Variants in NALCN observed in about 807,000 individuals in gnomAD.
NALCN encodes the protein sodium leak channel, non-selective, also known as sodium leak channel NALCN.
Under a neutral mutation model 225.3 loss-of-function variants are expected in NALCN, and 111 were observed. The ratio of observed to expected loss-of-function variants is 0.49; its 90% CI spans 0.42 to 0.58. The LOEUF (loss-of-function observed/expected upper bound fraction) is 0.58. NALCN is among the 20% of genes least tolerant of loss of function. NALCN has a pLI of 0.00. For missense variants in NALCN, 1,378 were observed against 2,202.4 expected, an observed-to-expected ratio of 0.63 and a Z score of 7.49; for synonymous variants, 764 against 769.0, an observed-to-expected ratio of 0.99 and a Z score of 0.11.
At chr13:101,296,818 T>C (rs1476010380) in intron 7 of NALCN, among the ~76,000 whole-genome samples, 2 of 152,226 alleles carry the variant, frequency 1.3e-5, no homozygotes, top group African/African-American at 2.4e-5. Context: ...ATGATACTCA[T>C]GATAATCAGT....
intron 6 of NALCN, among the ~76,000 whole-genome samples, chr13:101,359,961 T>G (rs763962890): frequency 6.6e-6 from 1 of 152,116 alleles, no homozygotes; most frequent in Non-Finnish European, 1.5e-5. Context: ...CTTTTCCATC[T>G]GAAAAATATA....
At chr13:101,114,630 C>T (rs958108920) in intron 18 of NALCN, among the ~76,000 whole-genome samples, 3 of 152,124 alleles carry the variant, frequency 2.0e-5, no homozygotes, top group Admixed American at 6.5e-5. Flanking sequence ...TTGAGTGGGG[C>T]TCTTCCCATT....
At chr13:101,166,307 T>G (rs1446354336) in intron 15 of NALCN, among the ~76,000 whole-genome samples, 1 of 152,188 alleles carries the variant, frequency 6.6e-6, no homozygotes, top group Non-Finnish European at 1.5e-5. Context: ...TTTAATTTTT[T>G]GAGGAACTGC....
chr13:101,205,952 G>A (rs16958637), intron 13 of NALCN, among the ~76,000 whole-genome samples: 1,584 of 152,004 alleles, frequency 0.01, 30 homozygotes, highest in African/African-American at 0.037. Flanking sequence ...CTATGTTCTC[G>A]CAATACTATG....
intron 6 of NALCN, among the ~76,000 whole-genome samples, chr13:101,358,615 A>G (rs2046132696): frequency 6.6e-6 from 1 of 152,252 alleles, no homozygotes; most frequent in African/African-American, 2.4e-5. Context: ...AATTAGTTCA[A>G]CCACTGTGGA....
chr13:101,387,252 A>AAAAAAAAAAT, intron 3 of NALCN, among the ~76,000 whole-genome samples: 1 of 116,778 alleles, frequency 8.6e-6, no homozygotes, highest in African/African-American at 3.6e-5. Context: ...AAAAAAAAAA[A>AAAAAAAAAAT]AACAGGTTAG....
intron 41 of NALCN, among the ~76,000 whole-genome samples, chr13:101,061,240 T>A (rs1163109734): frequency 6.6e-6 from 1 of 152,220 alleles, no homozygotes; most frequent in African/African-American, 2.4e-5. Context: ...TGAGAGGTGG[T>A]CTTTTCAGAA....
At chr13:101,387,244 A>T (rs942144808) in intron 3 of NALCN, among the ~76,000 whole-genome samples, 8 of 150,184 alleles carry the variant, frequency 5.3e-5, no homozygotes, top group South Asian at 4.2e-4. Context: ...AAAAAAAAAA[A>T]AAAAAAAAAA....
At chr13:101,189,249 G>T (rs1275721009) in intron 14 of NALCN, among the ~76,000 whole-genome samples, 1 of 152,052 alleles carries the variant, frequency 6.6e-6, no homozygotes, top group Non-Finnish European at 1.5e-5. Flanking sequence ...GTCATTGCCT[G>T]GGAGAAGAGG....
intron 10 of NALCN, among the ~76,000 whole-genome samples, chr13:101,273,276 CTTCT>C (rs1365323865): frequency 6.6e-6 from 1 of 152,164 alleles, no homozygotes; most frequent in Admixed American, 6.5e-5. Context: ...ATTGAATAGA[CTTCT>C]ATTTATCAAG....
intron 6 of NALCN, among the ~76,000 whole-genome samples, chr13:101,359,460 T>A (rs965077010): frequency 6.6e-6 from 1 of 152,234 alleles, no homozygotes; most frequent in African/African-American, 2.4e-5. Context: ...GGGGGCAATA[T>A]CACAGCAGTG....
chr13:101,074,886 G>A (rs943708251), intron 35 of NALCN, among the ~76,000 whole-genome samples: 3 of 152,130 alleles, frequency 2.0e-5, no homozygotes, highest in African/African-American at 7.2e-5. Context: ...CCCACCAGGC[G>A]TTGGGCGAAT....
At chr13:101,308,363 C>T (rs994803262) in intron 7 of NALCN, among the ~76,000 whole-genome samples, 8 of 152,212 alleles carry the variant, frequency 5.3e-5, no homozygotes, top group African/African-American at 1.4e-4. Context: ...AACTCCTTCC[C>T]TGGACTCATT....
chr13:101,349,482 T>A (rs1193867591), intron 6 of NALCN, among the ~76,000 whole-genome samples: 4 of 152,160 alleles, frequency 2.6e-5, no homozygotes, highest in African/African-American at 9.7e-5. Flanking sequence ...TGGGAGATGA[T>A]CCTGAATTAT....
At chr13:101,159,329 C>T (rs1419086036) in intron 15 of NALCN, among the ~76,000 whole-genome samples, 1 of 152,128 alleles carries the variant, frequency 6.6e-6, no homozygotes, top group Non-Finnish European at 1.5e-5. Context: ...ATCTAGGGCC[C>T]TGTGACCCCA....
chr13:101,265,902 T>C (rs780647625), intron 10 of NALCN, among the ~76,000 whole-genome samples: 2 of 152,162 alleles, frequency 1.3e-5, no homozygotes, highest in Non-Finnish European at 2.9e-5. Context: ...CAAGTATTTG[T>C]GGTTGGATAG....
Position 101,227,658 on chromosome 13 carries a change from T to C in NALCN, c.1626+1735A>G, listed in dbSNP as rs190838852. Among the ~76,000 whole-genome samples the C allele has an allele frequency of 2.1e-3, 322 of 152,284 alleles. 1 individual carries two copies. Among genetic ancestry groups the C allele is most frequent in the Non-Finnish European group, 3.8e-3 (259 of 68,012 alleles). ...CCAGCATTGGACTCCCTCCCCTGTA[T>C]GTAAGCCCTCAATGAAACCCCATGT... On this transcript the variant is annotated intron_variant, in intron 13 of 43. Transcript: ENST00000251127.
chr13:101,405,043 G>T (rs906599492), intron 1 of NALCN, among the ~76,000 whole-genome samples: 16 of 152,168 alleles, frequency 1.1e-4, no homozygotes, highest in Non-Finnish European at 1.3e-4. Flanking sequence ...TATTTCAAAT[G>T]TTTTTATTTC....
chr13:101,083,598 T>C (rs2033775986), intron 31 of NALCN, 113 bp downstream of exon 31: 1 of 1,003,594 alleles, frequency 1.0e-6, no homozygotes. Flanking sequence ...TGTATTACCT[T>C]ATGCACAACC....
Sources: allele counts gnomAD v4.1 joint callset (sites outside exome capture counted in the v4.1 genomes callset), GRCh38; gene constraint gnomAD v4.1.1; transcripts MANE v1.5; gene names NCBI Gene and HGNC (gene_info 2026-07-23, HGNC 2026-07-21).